SND1: variants seen among roughly 807,000 people sequenced by gnomAD.
SND1 encodes the protein staphylococcal nuclease domain-containing protein 1.
Under a neutral mutation model 121.7 loss-of-function variants are expected in SND1, and 38 were observed. That is an observed-to-expected ratio of 0.31 (90% CI 0.24 to 0.41). SND1 has a LOEUF of 0.41. SND1 is among the 10% of genes least tolerant of loss of function. The pLI is 1.00. For missense variants in SND1, 868 were observed against 1,184.6 expected, an observed-to-expected ratio of 0.73 and a Z score of 3.92; for synonymous variants, 401 against 447.4, an observed-to-expected ratio of 0.90 and a Z score of 1.31.
chr7:127,765,504 A>G (rs1309100545), intron 10 of SND1, among the ~76,000 whole-genome samples: 2 of 152,198 alleles, frequency 1.3e-5, no homozygotes, highest in Admixed American at 6.5e-5. Context: ...GGCCCTTAGT[A>G]ATTGGTAAAA....
chr7:128,040,342 G>A lies in SND1; in HGVS notation c.1780-34160G>A, dbSNP rs1027187305. On this transcript the variant is annotated intron_variant, in intron 16 of 23. Transcript: ENST00000354725. ...CAGCATTTTGGGAGGCCAAGGTGGG[G>A]GAATTGCTTGAGCCTGGGAGGAGGA... Among the ~76,000 whole-genome samples the A allele has an allele frequency of 2.0e-5, 3 of 150,458 alleles. No homozygotes were observed. The Admixed American group carries it at 2.0e-4, about 10-fold the overall frequency.
intron 10 of SND1, among the ~76,000 whole-genome samples, chr7:127,722,207 T>G (rs1796506457): frequency 6.6e-6 from 1 of 152,194 alleles, no homozygotes; most frequent in Non-Finnish European, 1.5e-5. Context: ...TAGAACTAGT[T>G]CCTCAGTGAG....
chr7:127,711,686 T>G (rs1381268566), intron 9 of SND1, among the ~76,000 whole-genome samples: 1 of 152,104 alleles, frequency 6.6e-6, no homozygotes, highest in Admixed American at 6.5e-5. Flanking sequence ...TTTGTTCTCT[T>G]TTTTCTAGAA....
intron 10 of SND1, among the ~76,000 whole-genome samples, chr7:127,759,072 A>AGATC (rs1797251162): frequency 6.6e-6 from 1 of 151,550 alleles, no homozygotes; most frequent in South Asian, 2.1e-4. Flanking sequence ...ATAGATAGAT[A>AGATC]GATAGATAGA....
intron 10 of SND1, among the ~76,000 whole-genome samples, chr7:127,789,920 T>G (rs958909509): frequency 5.9e-5 from 9 of 152,238 alleles, no homozygotes; most frequent in Non-Finnish European, 1.5e-5. Context: ...AATATTTGTA[T>G]TTTTAAATTA....
chr7:128,030,417 G>C lies in SND1; in HGVS notation c.1779+39361G>C, dbSNP rs1390988880. On this transcript the variant is annotated intron_variant, in intron 16 of 23. Coordinates refer to ENST00000354725, the MANE Select transcript of SND1 (RefSeq NM_014390.4). ...CATGAGGTTGAGGTACCGGGTGTTC[G>C]AGGGAATACCCTGCGGGACCTCGGA... The C allele has an allele frequency of 5.0e-6, 8 of 1,613,740 alleles. No homozygotes were observed. In the African/African-American group the frequency reaches 8.0e-5, roughly 16 times the overall value.
chr7:128,086,343 G>A (rs1199981616), intron 20 of SND1: 4 of 174,230 alleles, frequency 2.3e-5, no homozygotes. Flanking sequence ...ACGCTCCTGA[G>A]TCATGGCACT....
chr7:128,089,747 G>T, intron 22 of SND1, 55 bp downstream of exon 22: 1 of 1,508,342 alleles, frequency 6.6e-7, no homozygotes, highest in East Asian at 2.3e-5. Context: ...CACAGAGAAA[G>T]GGACTGTTCC....
rs751428943 is a variant in SND1 at position 127,652,326 on chromosome 7, C to T, written c.-48C>T. The T allele has an allele frequency of 8.7e-6, 13 of 1,497,156 alleles. No homozygotes were observed. In the South Asian group the frequency reaches 1.1e-4, roughly 12 times the overall value. 92.7% of individuals were successfully genotyped at this position (1,497,156 alleles called of 1,614,324 possible). A position where few individuals can be genotyped will look rare whatever the true frequency, so the allele number is the denominator to read the frequency against. On this transcript the variant is annotated 5_prime_UTR_variant, in exon 1 of 24. Coordinates refer to ENST00000354725, the MANE Select transcript of SND1 (RefSeq NM_014390.4). Reference sequence around the variant, plus strand: ...ACCAACACCGACACCCACATTGACACCTCCAGTCCGGCCAGCCGCTCCACT... The same window carrying T: ...ACCAACACCGACACCCACATTGACATCTCCAGTCCGGCCAGCCGCTCCACT...
Position 127,792,197 on chromosome 7 carries a change from A to G in SND1, c.1153-15287A>G, listed in dbSNP as rs1430769065. 2.6e-5 allele frequency among the ~76,000 whole-genome samples: 4 copies of G among 152,090 alleles called. No homozygotes were observed. The East Asian group carries it at 7.7e-4, about 29-fold the overall frequency. On this transcript the variant is annotated intron_variant, in intron 10 of 23. Coordinates refer to ENST00000354725, the MANE Select transcript of SND1 (RefSeq NM_014390.4). ...ACTGTGGAAGCTCTTTATGTGTACT[A>G]GTTCCTTTTTTATTGGATCTTTTGT...
At chr7:127,833,099 G>A (rs1014365193) in intron 11 of SND1, among the ~76,000 whole-genome samples, 2 of 151,948 alleles carry the variant, frequency 1.3e-5, no homozygotes, top group African/African-American at 4.8e-5. Context: ...ATAGCCAAGT[G>A]TATTTTATAT....
intron 2 of SND1, among the ~76,000 whole-genome samples, chr7:127,694,200 G>C (rs556160185): frequency 2.8e-4 from 43 of 152,302 alleles, no homozygotes; most frequent in Middle Eastern, 6.8e-3. Flanking sequence ...GATCTTTAAA[G>C]AGGGGAGTGG....
intron 11 of SND1, among the ~76,000 whole-genome samples, chr7:127,828,430 C>T (rs1798681853): frequency 6.6e-6 from 1 of 152,060 alleles, no homozygotes. Context: ...TGACCACCCT[C>T]ATTTAGAGTG....
chr7:128,039,757 G>A (rs1394913253), intron 16 of SND1, among the ~76,000 whole-genome samples: 1 of 152,104 alleles, frequency 6.6e-6, no homozygotes, highest in East Asian at 1.9e-4. Context: ...AGGGAGTGGG[G>A]GCTGTTGAGC....
intron 9 of SND1, among the ~76,000 whole-genome samples, chr7:127,710,984 A>G (rs879571122): frequency 3.3e-5 from 5 of 152,174 alleles, no homozygotes; most frequent in Admixed American, 1.3e-4. Flanking sequence ...GGAGTTAATA[A>G]TTTTTAAAAT....
At chr7:127,898,530 A>G (rs747681367) in intron 13 of SND1, among the ~76,000 whole-genome samples, 7 of 152,246 alleles carry the variant, frequency 4.6e-5, no homozygotes, top group Non-Finnish European at 1.0e-4. Context: ...TATTGCTACC[A>G]TGTTTCACTG....
Position 127,702,453 on chromosome 7 carries a change from G to T in SND1, c.608G>T (p.Arg203Leu). 1 of 1,614,062 alleles carries T rather than the reference G, an allele frequency of 6.2e-7. No homozygotes were observed. The highest frequency in any genetic ancestry group is 8.5e-7 in the Non-Finnish European group (1 of 1,179,946). The change falls in exon 6 of 24, where the codon CGG becomes CTG. Residue 203 changes from arginine to leucine, a missense_variant. Transcript: ENST00000354725. ...KPVNAIIEHV[R>L]DGSVVRALLL... ...CACACAGCTATCATCGAGCATGTGCGGGACGGCAGTGTGGTCAGGGCCCTG... is the reference window on the plus strand; with the variant it reads ...CACACAGCTATCATCGAGCATGTGCTGGACGGCAGTGTGGTCAGGGCCCTG...
chr7:128,054,360 G>C (rs1224155437), intron 16 of SND1, among the ~76,000 whole-genome samples: 1 of 152,204 alleles, frequency 6.6e-6, no homozygotes, highest in Non-Finnish European at 1.5e-5. Context: ...GACAGCCTTG[G>C]CTGTACCATA....
At position 128,089,095 on chromosome 7, in the gene SND1, C is replaced by T. The variant is rs1018009208; in HGVS notation, c.2419-394C>T. Among the ~76,000 whole-genome samples, 3 of 152,240 alleles carry T rather than the reference C, an allele frequency of 2.0e-5. No homozygotes were observed. The South Asian group carries it at 6.2e-4, about 32-fold the overall frequency. ...TTTGAGGCCAAGTCTCACTCTGTCACCCAGGCAGGAGTGCAGTGGCGCAAT... is the reference window on the plus strand; with the variant it reads ...TTTGAGGCCAAGTCTCACTCTGTCATCCAGGCAGGAGTGCAGTGGCGCAAT... On this transcript the variant is annotated intron_variant, in intron 21 of 23. Coordinates refer to ENST00000354725, the MANE Select transcript of SND1 (RefSeq NM_014390.4).
Sources: gnomAD v4.1 joint callset for allele counts (sites outside exome capture counted in the v4.1 genomes callset) on GRCh38, gnomAD v4.1.1 for gene constraint, MANE v1.5 for transcripts, NCBI Gene and HGNC (gene_info 2026-07-23, HGNC 2026-07-21) for gene names.